The following DKKL1 variants were observed in gnomAD, a reference collection of about 807,000 sequenced individuals.
DKKL1 encodes the protein dickkopf like acrosomal protein 1, also known as dickkopf-like protein 1.
Under a neutral mutation model 16.5 loss-of-function variants are expected in DKKL1, and 11 were observed. The ratio of observed to expected loss-of-function variants is 0.67; its 90% CI spans 0.42 to 1.10. The LOEUF is 1.10. DKKL1 is among the 50% of genes least tolerant of loss of function. DKKL1 has a pLI of 0.00. For synonymous variants in DKKL1, 119 were observed against 133.2 expected (o/e 0.89, Z 0.73); for missense variants, 320 against 308.1 (o/e 1.04, Z -0.29).
chr19:49,365,912 G>A, intron 4 of DKKL1, 27 bp downstream of exon 4: 1 of 1,598,132 alleles, frequency 6.3e-7, no homozygotes. Flanking sequence ...CCGTCAAAGT[G>A]TCCAGGCCCA....
chr19:49,373,500 T>C (rs530916483), intron 4 of DKKL1, among the ~76,000 whole-genome samples: 95 of 152,168 alleles, frequency 6.2e-4, no homozygotes, highest in African/African-American at 2.3e-3. Context: ...GCCTGGGTCT[T>C]GCTCTGTTGC....
chr19:49,369,807 G>C (rs1778527121), intron 4 of DKKL1: 1 of 153,554 alleles, frequency 6.5e-6, no homozygotes, highest in African/African-American at 2.4e-5. Flanking sequence ...CAGCGAGGGA[G>C]ACTTCAGCCT....
At position 49,374,767 on chromosome 19, in the gene DKKL1, G is replaced by GGAC. The variant is rs1568598808; in HGVS notation, c.469_471dup (p.Asp157dup). 6.3e-7 allele frequency: 1 copy of GGAC among 1,590,556 alleles called. No homozygotes were observed. Among genetic ancestry groups the GGAC allele is most frequent in the South Asian group, 1.1e-5 (1 of 88,054 alleles). On this transcript the variant is annotated inframe_insertion, in exon 5 of 5. Transcript: ENST00000221498. ...CCCTGGTACCCATCCAGAAGGCCAC[G>GGAC]GACAGCTTCCACACAGAACTCCATC... is the stretch of plus-strand genomic sequence containing the variant.
intron 4 of DKKL1, chr19:49,368,827 C>T (rs1326230272): frequency 1.3e-5 from 2 of 152,084 alleles, no homozygotes; most frequent in East Asian, 1.9e-4. Flanking sequence ...TGTCCTTGTA[C>T]GTTAACCAAG....
chr19:49,374,499 GC>G (rs1243574948), intron 4 of DKKL1, among the ~76,000 whole-genome samples: 1 of 152,138 alleles, frequency 6.6e-6, no homozygotes, highest in Non-Finnish European at 1.5e-5. Context: ...CCTTTTGAAA[GC>G]CCCCAAACAA....
chr19:49,364,699 T>G lies in DKKL1; in HGVS notation c.128T>G (p.Leu43Trp). 2 of 1,614,148 alleles carry G rather than the reference T, an allele frequency of 1.2e-6. No homozygotes were observed. The highest frequency in any genetic ancestry group is 1.7e-6 in the Non-Finnish European group (2 of 1,180,020). The change falls in exon 2 of 5, where the codon TTG becomes TGG. Residue 43 changes from leucine (L) to tryptophan (W), a missense_variant. Transcript: ENST00000221498. ...GATGCTGACGCCCAAGAGAGCTCCT[T>G]GGGTCTCACAGGCCTCCAGAGCCTA... ...IHDADAQESSLGLTGLQSLLQ... is the reference protein window; with the variant it reads ...IHDADAQESSWGLTGLQSLLQ...
chr19:49,362,832 G>A (rs1028140351), upstream of DKKL1, among the ~76,000 whole-genome samples: 1 of 151,982 alleles, frequency 6.6e-6, no homozygotes, highest in African/African-American at 2.4e-5. Context: ...TGTATTGGGG[G>A]TGCGGAAGTG....
intron 1 of DKKL1, among the ~76,000 whole-genome samples, chr19:49,364,263 A>C (rs950910144): frequency 6.6e-6 from 1 of 151,064 alleles, no homozygotes; most frequent in Non-Finnish European, 1.5e-5. Flanking sequence ...AGGTGGGAGA[A>C]TCACCTGAGC....
chr19:49,367,224 G>A (rs1466142487), intron 4 of DKKL1, among the ~76,000 whole-genome samples: 2 of 140,906 alleles, frequency 1.4e-5, no homozygotes, highest in East Asian at 2.0e-4. Context: ...ACAGGGTTTC[G>A]CCATGTTGGC....
chr19:49,366,482 G>A (rs144626725), intron 4 of DKKL1, among the ~76,000 whole-genome samples: 1,886 of 151,732 alleles, frequency 0.012, 45 homozygotes, highest in African/African-American at 0.044. Flanking sequence ...GTTTCTATGA[G>A]CACCAAAATG....
intron 4 of DKKL1, among the ~76,000 whole-genome samples, chr19:49,372,488 T>C (rs928338999): frequency 2.0e-5 from 3 of 149,280 alleles, no homozygotes; most frequent in Non-Finnish European, 4.4e-5. Flanking sequence ...GATCAGGATA[T>C]CAAGACCATC....
chr19:49,368,229 T>C (rs73066943), intron 4 of DKKL1, among the ~76,000 whole-genome samples: 39,021 of 151,332 alleles, frequency 0.26, 5,245 homozygotes, highest in African/African-American at 0.31. Flanking sequence ...AAAAGAATTG[T>C]TTGAACCCGG....
Position 49,365,632 on chromosome 19 carries a change from CACCTCCAG to C in DKKL1, c.309_316del (p.Leu104ArgfsTer31). 6.2e-7 allele frequency: 1 copy of C among 1,612,932 alleles called. No homozygotes were observed. Among genetic ancestry groups the C allele is most frequent in the Non-Finnish European group, 8.5e-7 (1 of 1,179,344 alleles). ...GCTGGGGAACAACACCCTCTCCAGC[CACCTCCAG>C]ATCGACAAGGTGCCTATGCAGGGAA... is the stretch of plus-strand genomic sequence containing the variant. On this transcript the variant is annotated frameshift_variant, in exon 3 of 5. Coordinates refer to ENST00000221498, the MANE Select transcript of DKKL1 (RefSeq NM_014419.4). LOFTEE classifies it high-confidence loss of function.
At chr19:49,360,921 G>A (rs1481747129), upstream of DKKL1, among the ~76,000 whole-genome samples, 29 of 130,682 alleles carry the variant, frequency 2.2e-4, no homozygotes, top group African/African-American at 7.8e-4. Flanking sequence ...GAGAGAGAAG[G>A]GGACAGAGAC....
chr19:49,364,287 G>A (rs1973156590), intron 1 of DKKL1, among the ~76,000 whole-genome samples: 1 of 151,654 alleles, frequency 6.6e-6, no homozygotes, highest in Admixed American at 6.6e-5. Flanking sequence ...GGGAGGTCGA[G>A]GCTGCAGTGA....
intron 4 of DKKL1, among the ~76,000 whole-genome samples, chr19:49,372,456 G>C (rs981248602): frequency 1.3e-5 from 2 of 152,302 alleles, no homozygotes; most frequent in South Asian, 4.1e-4. Flanking sequence ...CACTTTGGGA[G>C]ACCGAGGCAG....
intron 4 of DKKL1, chr19:49,370,521 T>C (rs3786564): frequency 0.26 from 39,142 of 150,734 alleles, 5,241 homozygotes; most frequent in African/African-American, 0.31. Context: ...TGGAAGACCT[T>C]GCCAACAAAA....
intron 2 of DKKL1, 28 bp from the exon 3 acceptor site, chr19:49,365,481 A>G (rs1568591867): frequency 1.3e-6 from 2 of 1,571,846 alleles, no homozygotes; most frequent in Non-Finnish European, 1.7e-6. Flanking sequence ...GAGGTCCAGC[A>G]GCTCACCAGT....
At chr19:49,362,686 T>C (rs930525456), upstream of DKKL1, among the ~76,000 whole-genome samples, 3 of 136,782 alleles carry the variant, frequency 2.2e-5, no homozygotes, top group East Asian at 2.2e-4. Context: ...GAGGAGAGGC[T>C]GGGGGCTGGG....
Sources: gnomAD v4.1 joint callset for allele counts (sites outside exome capture counted in the v4.1 genomes callset) on GRCh38, gnomAD v4.1.1 for gene constraint, MANE v1.5 for transcripts, NCBI Gene and HGNC (gene_info 2026-07-23, HGNC 2026-07-21) for gene names.